PGS1: variants seen among roughly 807,000 people sequenced by gnomAD.
The protein encoded by PGS1 is phosphatidylglycerophosphate synthase 1, also known as CDP-diacylglycerol--glycerol-3-phosphate 3-phosphatidyltransferase, mitochondrial.
A neutral mutation model predicts 58.3 loss-of-function variants in PGS1; 44 were observed. The ratio of observed to expected loss-of-function variants is 0.75; its 90% CI spans 0.59 to 0.97. PGS1 has a LOEUF of 0.97. Among genes scored for constraint, PGS1 ranks in the 50% least tolerant of loss-of-function variants. PGS1 has a pLI of 0.00. For missense variants in PGS1, 684 were observed against 731.1 expected, an observed-to-expected ratio of 0.94 and a Z score of 0.74; for synonymous variants, 330 against 311.0, an observed-to-expected ratio of 1.06 and a Z score of -0.64.
chr17:78,421,933 G>A (rs1366152632), intron 9 of PGS1: 6 of 149,988 alleles, frequency 4.0e-5, no homozygotes, highest in African/African-American at 7.3e-5. Context: ...CAGTCCTCCC[G>A]GCTTTCTAGG....
At chr17:78,415,121 C>G (rs2085066790) in intron 8 of PGS1, 94 bp downstream of exon 8, 13 of 1,408,394 alleles carry the variant, frequency 9.2e-6, no homozygotes, top group Non-Finnish European at 1.3e-5. Context: ...AGAGCTGTTT[C>G]CTGAGGCAAC....
chr17:78,413,873 G>A (rs532963725), intron 7 of PGS1, among the ~76,000 whole-genome samples: 15 of 152,368 alleles, frequency 9.8e-5, no homozygotes, highest in South Asian at 6.2e-4. Context: ...TTCTGAGGAC[G>A]CCTGTGGCCT....
chr17:78,422,531 C>T (rs1286185212), intron 9 of PGS1, among the ~76,000 whole-genome samples: 2 of 151,230 alleles, frequency 1.3e-5, no homozygotes, highest in Non-Finnish European at 2.9e-5. Context: ...CAGGGTCTCA[C>T]TCTGTCACCC....
intron 8 of PGS1, 65 bp downstream of exon 8, chr17:78,415,092 G>C: frequency 6.3e-7 from 1 of 1,575,726 alleles, no homozygotes; most frequent in Non-Finnish European, 8.7e-7. Flanking sequence ...AGGCTCACCC[G>C]TGCTGTGGGG....
intron 7 of PGS1, among the ~76,000 whole-genome samples, chr17:78,410,853 A>G (rs2084621431): frequency 6.6e-6 from 1 of 152,156 alleles, no homozygotes; most frequent in Non-Finnish European, 1.5e-5. Context: ...ATTCAAACAG[A>G]TATCTAACAA....
chr17:78,387,227 C>T (rs1047910989), intron 1 of PGS1, among the ~76,000 whole-genome samples: 1 of 151,678 alleles, frequency 6.6e-6, no homozygotes, highest in African/African-American at 2.4e-5. Context: ...TGGTCTCGAT[C>T]TCCTGGCCTC....
At chr17:78,395,572 C>T (rs4969141) in intron 2 of PGS1, among the ~76,000 whole-genome samples, 70,074 of 152,054 alleles carry the variant, frequency 0.46, 16,695 homozygotes, top group Admixed American at 0.53. Context: ...CTGCCTCCTT[C>T]TCTGGGGTGG....
At chr17:78,415,404 G>A (rs1205981799) in intron 8 of PGS1, among the ~76,000 whole-genome samples, 2 of 152,178 alleles carry the variant, frequency 1.3e-5, no homozygotes, top group African/African-American at 4.8e-5. Flanking sequence ...GTCGAGGCAG[G>A]TGGGTCGCCT....
At position 78,400,800 on chromosome 17, in the gene PGS1, G is replaced by C; in HGVS notation, c.825G>C (p.Gln275His). The C allele has an allele frequency of 6.2e-7, 1 of 1,613,790 alleles. No individual in the cohort carries two copies. The highest frequency in any genetic ancestry group is 8.5e-7 in the Non-Finnish European group (1 of 1,179,842). The change falls in exon 6 of 10, where the codon CAG becomes CAC. Residue 275 changes from glutamine (Q) to histidine (H), a missense_variant. Transcript: ENST00000262764. The surrounding 1 kb of genome is among the most constrained non-coding windows in gnomAD (Gnocchi z 4.4). Reference sequence around the variant, plus strand: ...ACGCGGTGGGGGATGTGTCCCTGCAGCTGCAGGGGGACGACACGGTGCAGG... The same window carrying C: ...ACGCGGTGGGGGATGTGTCCCTGCACCTGCAGGGGGACGACACGGTGCAGG... ...LVDAVGDVSL[Q>H]LQGDDTVQVV...
At position 78,424,288 on chromosome 17, in the gene PGS1, C is replaced by A. The variant is rs990803232; in HGVS notation, c.*238C>A. The A allele has an allele frequency of 1.7e-6, 2 of 1,175,174 alleles. No homozygotes were observed. Among genetic ancestry groups the A allele is most frequent in the East Asian group, 5.1e-5 (2 of 38,908 alleles). The allele number at this position is 1,175,174 out of a possible 1,614,324, so 72.8% of individuals were successfully genotyped here. ...ACCCCAAAAGGCTTCAGGCCAGCTG[C>A]CACGGCTGGAAGCAGAGGCCTTCGT... On this transcript the variant is annotated 3_prime_UTR_variant, in exon 10 of 10. Transcript: ENST00000262764.
At chr17:78,422,194 A>C (rs1257010889) in intron 9 of PGS1, among the ~76,000 whole-genome samples, 1 of 152,038 alleles carries the variant, frequency 6.6e-6, no homozygotes, top group African/African-American at 2.4e-5. Flanking sequence ...GGTCACCTGA[A>C]GGGCTGCAGT....
intron 8 of PGS1, among the ~76,000 whole-genome samples, chr17:78,417,121 G>A (rs938071608): frequency 1.3e-5 from 2 of 152,232 alleles, no homozygotes; most frequent in Admixed American, 6.5e-5. Flanking sequence ...TTTACCACTT[G>A]TGACCCAAGA....
chr17:78,382,340 C>T (rs1192315662), intron 1 of PGS1, among the ~76,000 whole-genome samples: 2 of 152,084 alleles, frequency 1.3e-5, no homozygotes, highest in Non-Finnish European at 2.9e-5. Flanking sequence ...CTGGTTCAGC[C>T]TGAGATGGTG....
At chr17:78,388,353 A>G (rs1392576371) in intron 1 of PGS1, among the ~76,000 whole-genome samples, 1 of 151,970 alleles carries the variant, frequency 6.6e-6, no homozygotes, top group Non-Finnish European at 1.5e-5. Context: ...TTTTCTCTGG[A>G]CTACTGAGGC....
chr17:78,411,706 A>G (rs2084709192), intron 7 of PGS1, among the ~76,000 whole-genome samples: 1 of 151,984 alleles, frequency 6.6e-6, no homozygotes, highest in Non-Finnish European at 1.5e-5. Flanking sequence ...AGGCCCTGGG[A>G]TGAAGAGTCG....
At chr17:78,385,541 G>A (rs891883572) in intron 1 of PGS1, among the ~76,000 whole-genome samples, 20 of 152,272 alleles carry the variant, frequency 1.3e-4, no homozygotes, top group Admixed American at 9.8e-4. Flanking sequence ...CGCCTGCTTC[G>A]GCCTCCCAAA....
chr17:78,387,598 C>CTT lies in PGS1; in HGVS notation c.144-4860_144-4859dup, dbSNP rs34252361. ...ACAGGTGTGAGCCATCGCGCCCAGCCTTTTTTTTTTTTTTTTTTTGAGGTG... is the reference window on the plus strand; with the variant it reads ...ACAGGTGTGAGCCATCGCGCCCAGCCTTTTTTTTTTTTTTTTTTTTTGAGGTG... On this transcript the variant is annotated intron_variant, in intron 1 of 9. Coordinates refer to ENST00000262764, the MANE Select transcript of PGS1 (RefSeq NM_024419.5). Among the ~76,000 whole-genome samples the CTT allele has an allele frequency of 3.7e-3, 387 of 104,196 alleles. 9 individuals carry two copies. Among genetic ancestry groups the CTT allele is most frequent in the East Asian group, 0.013 (43 of 3,434 alleles). The allele number at this position is 104,196 out of a possible 152,430, so 68.4% of individuals were successfully genotyped here. A position where few individuals can be genotyped will look rare whatever the true frequency, so the allele number is the denominator to read the frequency against.
At chr17:78,420,284 C>T in intron 9 of PGS1, 3 of 947,782 alleles carry the variant, frequency 3.2e-6, no homozygotes, top group Admixed American at 1.2e-4. Flanking sequence ...GGGCCTGCCG[C>T]TTCACCAGAG....
chr17:78,395,970 C>G (rs2083200930), intron 2 of PGS1, among the ~76,000 whole-genome samples: 1 of 152,244 alleles, frequency 6.6e-6, no homozygotes, highest in Non-Finnish European at 1.5e-5. Context: ...AAACTCCTGG[C>G]TTCAAGTGAT....
Sources: gnomAD v4.1 joint callset for allele counts (sites outside exome capture counted in the v4.1 genomes callset) on GRCh38, gnomAD v4.1.1 for gene constraint, Gnocchi (gnomAD v3.1) non-coding constraint, MANE v1.5 for transcripts, NCBI Gene and HGNC (gene_info 2026-07-23, HGNC 2026-07-21) for gene names.